The following BCL3 variants were observed in gnomAD, a reference collection of about 807,000 sequenced individuals.
BCL3 encodes the protein B-cell lymphoma 3 protein.
Under a neutral mutation model 35.7 loss-of-function variants are expected in BCL3, and 15 were observed. The observed-to-expected ratio is 0.42, with a 90% CI of 0.28 to 0.65. The LOEUF (loss-of-function observed/expected upper bound fraction) is 0.65. Among genes scored for constraint, BCL3 ranks in the 30% least tolerant of loss-of-function variants. The pLI, the probability that BCL3 is intolerant of heterozygous loss-of-function variation, is 0.22. For missense variants in BCL3, 565 were observed against 641.7 expected (o/e 0.88, Z 1.29); for synonymous variants, 311 against 284.3 (o/e 1.09, Z -0.95).
rs529673750 is a variant in BCL3, at chr19:44,759,619, G to A, written c.*4G>A. ...CCCAGCTCCAGGAGGCAGCTGAGGGGGATGGGGGGGCAGATCTTGGACTCA... is the reference window on the plus strand; with the variant it reads ...CCCAGCTCCAGGAGGCAGCTGAGGGAGATGGGGGGGCAGATCTTGGACTCA... On this transcript the variant is annotated 3_prime_UTR_variant, in exon 9 of 9. Coordinates refer to ENST00000164227, the MANE Select transcript of BCL3 (RefSeq NM_005178.5). 12 of 1,600,980 alleles carry A rather than the reference G, an allele frequency of 7.5e-6. No individual in the cohort carries two copies. Among genetic ancestry groups the A allele is most frequent in the Non-Finnish European group, 9.3e-6 (11 of 1,177,168 alleles).
intron 7 of BCL3, 136 bp downstream of exon 7, chr19:44,758,549 C>T (rs1372315977): frequency 7.5e-7 from 1 of 1,328,088 alleles, no homozygotes; most frequent in South Asian, 1.4e-5. Flanking sequence ...CCTCTGAAAG[C>T]GCGGGTGTGA....
rs1425703219 is a variant in BCL3 at position 44,757,074 on chromosome 19, A to C, written c.577A>C (p.Thr193Pro). ...TLPSVVRLLV[T>P]AGASPMALDR... ...ACCGTCTGTGGTCCGGCTCCTGGTGACAGCTGGTGCCAGCCCCATGGCGCT... is the reference window on the plus strand; with the variant it reads ...ACCGTCTGTGGTCCGGCTCCTGGTGCCAGCTGGTGCCAGCCCCATGGCGCT... Residue 193 changes from threonine (T) to proline (P), a missense_variant, in exon 4 of 9, where the codon ACA (threonine) becomes CCA (proline). Physicochemically the swap from Thr to Pro is conservative, Grantham distance 38 (BLOSUM62 -1). Coordinates refer to ENST00000164227, the MANE Select transcript of BCL3 (RefSeq NM_005178.5). This position sits in a 1 kb window ranked among gnomAD's most constrained non-coding sequence, Gnocchi z 8.4. 2 of 1,610,526 alleles carry C rather than the reference A, an allele frequency of 1.2e-6. No individual in the cohort carries two copies. The highest frequency in any genetic ancestry group is 2.2e-5 in the East Asian group (1 of 44,710).
At chr19:44,758,674 G>A (rs768189924) in intron 7 of BCL3, 50 bp from the exon 8 acceptor site, 10 of 1,470,662 alleles carry the variant, frequency 6.8e-6, no homozygotes, top group African/African-American at 1.4e-5. Context: ...GGATGGGAGA[G>A]AGGACTGTGA....
intron 8 of BCL3, 31 bp downstream of exon 8, chr19:44,758,872 G>T: frequency 1.3e-6 from 2 of 1,521,114 alleles, no homozygotes; most frequent in Non-Finnish European, 1.8e-6. Context: ...TCCAGCCCTG[G>T]CGCCTCCTCC....
intron 7 of BCL3, 39 bp downstream of exon 7, chr19:44,758,452 T>C: frequency 6.6e-7 from 1 of 1,520,718 alleles, no homozygotes; most frequent in Non-Finnish European, 8.8e-7. Flanking sequence ...CTTGCACACG[T>C]GTGTCCGCGG....
In BCL3 at chr19:44,758,227, C is replaced by T. The variant is rs1440902710; in HGVS notation, c.892-19C>T. The T allele has an allele frequency of 6.8e-7, 1 of 1,468,168 alleles. No individual in the cohort carries two copies. Among genetic ancestry groups the T allele is most frequent in the South Asian group, 1.4e-5 (1 of 71,232 alleles). 90.9% of individuals were successfully genotyped at this position (1,468,168 alleles called of 1,614,324 possible). A position where few individuals can be genotyped will look rare whatever the true frequency, so the allele number is the denominator to read the frequency against. The stretch of plus-strand genomic sequence containing the variant: ...GGGTGGCCCGCGCGCCCTCCTGACC[C>T]GGCCCTCCCGTCCCGCAGCACGGCG... On this transcript the variant is annotated intron_variant, in intron 6 of 8. Coordinates refer to ENST00000164227, the MANE Select transcript of BCL3 (RefSeq NM_005178.5).
chr19:44,747,890 C>T, upstream of BCL3: 1 of 1,156,090 alleles, frequency 8.6e-7, no homozygotes, highest in East Asian at 4.8e-5. Context: ...GGGGGCAGGG[C>T]CCCCAACGAG....
intron 2 of BCL3, among the ~76,000 whole-genome samples, chr19:44,752,237 G>A (rs1426092480): frequency 1.4e-5 from 2 of 144,700 alleles, no homozygotes; most frequent in Non-Finnish European, 3.0e-5. Flanking sequence ...GTCTCGATCT[G>A]TCACCCAGGC....
chr19:44,748,224 T>C (rs1361362286), upstream of BCL3: 1 of 504,244 alleles, frequency 2.0e-6, no homozygotes, highest in Non-Finnish European at 3.3e-6. Context: ...AGAGAGATGG[T>C]GACAGACACA....
Position 44,751,294 on chromosome 19 carries a change from A to G in BCL3, c.324A>G (p.Thr108=), listed in dbSNP as rs1967174540. Residue 108 remains threonine, a synonymous_variant, in exon 2 of 9, where the codon ACA becomes ACG. Coordinates refer to ENST00000164227, the MANE Select transcript of BCL3 (RefSeq NM_005178.5). ...GSPFPLVNLP[T]PLYPMMCPME... ...CGTTTCCTCTGGTGAACCTGCCTACACCCCTATACCCCATGATGTGCCCCA... is the reference window on the plus strand; with the variant it reads ...CGTTTCCTCTGGTGAACCTGCCTACGCCCCTATACCCCATGATGTGCCCCA... 1 of 1,607,402 alleles carries G rather than the reference A, an allele frequency of 6.2e-7. No individual in the cohort carries two copies. Among genetic ancestry groups the G allele is most frequent in the Non-Finnish European group, 8.5e-7 (1 of 1,177,808 alleles).
intron 1 of BCL3, among the ~76,000 whole-genome samples, chr19:44,750,562 G>C (rs1206559519): frequency 6.6e-6 from 1 of 152,154 alleles, no homozygotes; most frequent in Non-Finnish European, 1.5e-5. Flanking sequence ...GCCTCCCAAA[G>C]TATTGGTATT....
Position 44,757,406 on chromosome 19 carries a change from C to G in BCL3, c.804C>G (p.Ile268Met), listed in dbSNP as rs146200502. Residue 268 changes from isoleucine (I) to methionine (M), a missense_variant, in exon 5 of 9, where the codon ATC (isoleucine) becomes ATG (methionine). By Grantham distance (10) the Ile-to-Met change is conservative. Coordinates refer to ENST00000164227, the MANE Select transcript of BCL3 (RefSeq NM_005178.5). The surrounding 1 kb of genome is among the most constrained non-coding windows in gnomAD (Gnocchi z 8.4). ...TCTTGCTAGAGCGCGGTGCCGACAT[C>G]GACGCAGTGGTGAGCGTGCACTAGG... ...VQLLLERGAD[I>M]DAVDIKSGRS... The G allele has an allele frequency of 1.3e-6, 2 of 1,597,554 alleles. No individual in the cohort carries two copies. The highest frequency in any genetic ancestry group is 1.7e-6 in the Non-Finnish European group (2 of 1,172,664).
rs1967118177 is a variant in BCL3 at position 44,748,829 on chromosome 19, C to T, written c.39C>T (p.Pro13=). The T allele has an allele frequency of 9.9e-6, 11 of 1,107,640 alleles. No individual in the cohort carries two copies. Among genetic ancestry groups the T allele is most frequent in the Non-Finnish European group, 1.2e-5 (11 of 909,722 alleles). The allele number at this position is 1,107,640 out of a possible 1,614,324, so 68.6% of individuals were successfully genotyped here. A position where few individuals can be genotyped will look rare whatever the true frequency, so the allele number is the denominator to read the frequency against. The change falls in exon 1 of 9, where the codon CCC becomes CCT. Residue 13 remains proline (P), a synonymous_variant. Transcript: ENST00000164227. The part of the protein sequence containing the change: ...RCPAGAMDEG[P]VDLRTRPKAA... The stretch of plus-strand genomic sequence containing the variant: ...CCGCGGGGGCCATGGACGAGGGGCC[C>T]GTGGACCTGCGCACCCGGCCCAAGG...
Position 44,757,228 on chromosome 19 carries a change from A to G in BCL3, c.724+7A>G, listed in dbSNP as rs1414629127. 6.5e-7 allele frequency: 1 copy of G among 1,549,306 alleles called. No homozygotes were observed. The highest frequency in any genetic ancestry group is 1.2e-5 in the South Asian group (1 of 85,436). On this transcript the variant is annotated splice_region_variant and intron_variant, in intron 4 of 8. Coordinates refer to ENST00000164227, the MANE Select transcript of BCL3 (RefSeq NM_005178.5). This position sits in a 1 kb window ranked among gnomAD's most constrained non-coding sequence, Gnocchi z 8.4. ...GAGGCCCGCAATTATGACGGTAAGCATTTACCGCGGGGCACCGCTGGGCTG... is the reference window on the plus strand; with the variant it reads ...GAGGCCCGCAATTATGACGGTAAGCGTTTACCGCGGGGCACCGCTGGGCTG...
At chr19:44,747,943 C>T, upstream of BCL3, 3 of 1,232,032 alleles carry the variant, frequency 2.4e-6, no homozygotes, top group Non-Finnish European at 3.1e-6. Flanking sequence ...CCTCACCCCA[C>T]CCCCAGCCCC....
chr19:44,756,194 C>A (rs757438047), intron 2 of BCL3, 38 bp from the exon 3 acceptor site: 3 of 1,371,006 alleles, frequency 2.2e-6, no homozygotes, highest in Non-Finnish European at 2.9e-6. Context: ...GGTGAACAAC[C>A]CCTAATGCCT....
chr19:44,755,549 GT>G (rs1281047016), intron 2 of BCL3: 2 of 152,220 alleles, frequency 1.3e-5, no homozygotes, highest in Admixed American at 1.3e-4. Context: ...CTAGAAGGGG[GT>G]TCTGGACTGT....
Position 44,751,224 on chromosome 19 carries a change from C to T in BCL3, c.257-3C>T, listed in dbSNP as rs756866502. 1 of 1,608,324 alleles carries T rather than the reference C, an allele frequency of 6.2e-7. No homozygotes were observed. Among genetic ancestry groups the T allele is most frequent in the East Asian group, 2.3e-5 (1 of 44,352 alleles). On this transcript the variant is annotated splice_region_variant and splice_polypyrimidine_tract_variant and intron_variant, in intron 1 of 8. Coordinates refer to ENST00000164227, the MANE Select transcript of BCL3 (RefSeq NM_005178.5). ...TGTCCCTTCTCTGTCCTCCATTGTC[C>T]AGGAGCCTTACTGCCTTTGTACCCC... is the stretch of plus-strand genomic sequence containing the variant.
chr19:44,753,578 G>C (rs1967222628), intron 2 of BCL3, among the ~76,000 whole-genome samples: 1 of 152,180 alleles, frequency 6.6e-6, no homozygotes. Flanking sequence ...CGCTGGGGCT[G>C]AGACTTTACC....
Sources: allele counts gnomAD v4.1 joint callset (sites outside exome capture counted in the v4.1 genomes callset), GRCh38; gene constraint gnomAD v4.1.1; non-coding constraint Gnocchi (gnomAD v3.1); transcripts MANE v1.5; gene names NCBI Gene and HGNC (gene_info 2026-07-23, HGNC 2026-07-21).